Variants in DCTN1 observed in about 807,000 individuals in gnomAD.
The protein encoded by DCTN1 is 150 kDa dynein-associated polypeptide.
Under a neutral mutation model 161.2 loss-of-function variants are expected in DCTN1, and 61 were observed. The ratio of observed to expected loss-of-function variants is 0.38; its 90% CI spans 0.31 to 0.47. DCTN1 has a LOEUF of 0.47. Ranked by LOEUF, DCTN1 falls within the 20% of genes least tolerant of loss-of-function variation. The probability of loss-of-function intolerance (pLI) is 0.99; values close to 1 mark genes in which losing one functional copy is unlikely to be tolerated. For synonymous variants in DCTN1, 653 were observed against 632.4 expected, an observed-to-expected ratio of 1.03 and a Z score of -0.49; for missense variants, 1,404 against 1,623.7, an observed-to-expected ratio of 0.86 and a Z score of 2.33.
Position 74,366,513 on chromosome 2 carries a change from A to G in DCTN1, c.2574T>C (p.Asn858=), listed in dbSNP as rs1428928433. 2 of 1,614,056 alleles carry G rather than the reference A, an allele frequency of 1.2e-6. No individual in the cohort carries two copies. Among genetic ancestry groups the G allele is most frequent in the African/African-American group, 2.7e-5 (2 of 74,934 alleles). Residue 858 remains asparagine, a synonymous_variant, in exon 22 of 32, where the codon AAT becomes AAC. Transcript: ENST00000628224. ...CCAGAGCAGCCACAAGTAGCCCCTC[A>G]TTCTCTGCCAGTGGGGCAATGAGCT... ...AAQLIAPLAE[N]EGLLVAALEE...
intron 8 of DCTN1, 79 bp from the exon 9 acceptor site, chr2:74,371,255 A>C: frequency 6.2e-7 from 1 of 1,606,162 alleles, no homozygotes; most frequent in Non-Finnish European, 8.5e-7. Context: ...AAAGAACACA[A>C]GAAAGTGTGC....
Position 74,374,699 on chromosome 2 carries a change from C to T in DCTN1, c.415-359G>A. 8 of 1,194,386 alleles carry T rather than the reference C, an allele frequency of 6.7e-6. No individual in the cohort carries two copies. In the South Asian group the frequency reaches 1.3e-4, roughly 19 times the overall value. The allele number at this position is 1,194,386 out of a possible 1,614,324, so 74.0% of individuals were successfully genotyped here. The stretch of plus-strand genomic sequence containing the variant: ...AGCACCAGCTCCACCTGACGTCATG[C>T]ACCCACCCTCCTCTGCTCCATGGGG... On this transcript the variant is annotated intron_variant, in intron 5 of 31. Coordinates refer to ENST00000628224, the MANE Select transcript of DCTN1 (RefSeq NM_004082.5).
rs1362003069 is a variant in DCTN1, at chr2:74,366,209, G to A, written c.2760+35C>T. ...AGCTCTGCAAGTCTTACTCCTACAG[G>A]CCTCTGCAACTTCTCCAAGGAAATC... On this transcript the variant is annotated intron_variant, in intron 23 of 31. Coordinates refer to ENST00000628224, the MANE Select transcript of DCTN1 (RefSeq NM_004082.5). 5 of 1,613,556 alleles carry A rather than the reference G, an allele frequency of 3.1e-6. No homozygotes were observed. In the African/African-American group the frequency reaches 6.7e-5, roughly 22 times the overall value.
Position 74,366,250 on chromosome 2 carries a change from G to A in DCTN1, c.2754C>T (p.Pro918=), listed in dbSNP as rs1290742439. Residue 918 remains proline, a synonymous_variant, in exon 23 of 32, where the codon CCC becomes CCT. Transcript: ENST00000628224. The stretch of plus-strand genomic sequence containing the variant: ...CAAGGAAATCTCCACCTACCTTGCT[G>A]GGGGGCCGCTCTGCATCATACTCCC... ...QEGEYDAERP[P]SKPPPVELRA... The A allele has an allele frequency of 6.2e-7, 1 of 1,614,036 alleles. No individual in the cohort carries two copies. Among genetic ancestry groups the A allele is most frequent in the Non-Finnish European group, 8.5e-7 (1 of 1,179,976 alleles).
Position 74,362,041 on chromosome 2 carries a change from C to T in DCTN1, c.3699+11G>A, listed in dbSNP as rs1432284261. On this transcript the variant is annotated intron_variant, in intron 31 of 31. Transcript: ENST00000628224. Reference sequence around the variant, plus strand: ...ACACTGTCCCATCCTCCACCCCATGCTCCCCCTCACCCTGAGGAAGGCTGA... The same window carrying T: ...ACACTGTCCCATCCTCCACCCCATGTTCCCCCTCACCCTGAGGAAGGCTGA... The T allele has an allele frequency of 2.5e-6, 4 of 1,613,216 alleles. No individual in the cohort carries two copies. The highest frequency in any genetic ancestry group is 1.1e-5 in the South Asian group (1 of 91,054).
chr2:74,363,882 G>C, intron 26 of DCTN1: 2 of 585,944 alleles, frequency 3.4e-6, no homozygotes, highest in South Asian at 3.8e-5. Flanking sequence ...GTGGCAAAGA[G>C]AGTGTGCACT....
In DCTN1 at chr2:74,370,960, C is replaced by T. The variant is rs556822905; in HGVS notation, c.843+19G>A. ...AGGTCTCAGGCTGCCCCAGCCACCCCCTTCATCCAGAGTCAAACCTTTCTC... is the reference window on the plus strand; with the variant it reads ...AGGTCTCAGGCTGCCCCAGCCACCCTCTTCATCCAGAGTCAAACCTTTCTC... On this transcript the variant is annotated intron_variant, in intron 9 of 31. Coordinates refer to ENST00000628224, the MANE Select transcript of DCTN1 (RefSeq NM_004082.5). This position sits in a 1 kb window ranked among gnomAD's most constrained non-coding sequence, Gnocchi z 4.4. The T allele has an allele frequency of 1.1e-5, 17 of 1,613,428 alleles. No individual in the cohort carries two copies. The highest frequency in any genetic ancestry group is 2.7e-5 in the African/African-American group (2 of 74,922).
chr2:74,361,468 G>T lies in DCTN1; in HGVS notation c.*31C>A, dbSNP rs1157202529. 2 of 1,613,698 alleles carry T rather than the reference G, an allele frequency of 1.2e-6. No individual in the cohort carries two copies. Among genetic ancestry groups the T allele is most frequent in the Admixed American group, 3.3e-5 (2 of 60,012 alleles). On this transcript the variant is annotated 3_prime_UTR_variant, in exon 32 of 32. Transcript: ENST00000628224. ...GGCAGAGCGGCACCAGAGGGCTGAG[G>T]GTCGAAGGGGACAGCAGGGGAAAGG... is the stretch of plus-strand genomic sequence containing the variant.
In DCTN1 at chr2:74,368,876, A is replaced by G. The variant is rs1553464828; in HGVS notation, c.1706T>C (p.Ile569Thr). ...FAETKAHAKA[I>T]EMELRQMEVA... ...CTCCATCTGCCTCAATTCCATCTCA[A>G]TTGCCTGTGAGGTGAACAGGGAGGA... Residue 569 changes from isoleucine (I) to threonine (T), a missense_variant, in exon 16 of 32, where the codon ATT (isoleucine) becomes ACT (threonine). This residue lies in a region of DCTN1 where 278 missense variants were observed against 363.8 expected (regional missense o/e 0.76). Coordinates refer to ENST00000628224, the MANE Select transcript of DCTN1 (RefSeq NM_004082.5). 6.2e-7 allele frequency: 1 copy of G among 1,614,240 alleles called. No homozygotes were observed. The highest frequency in any genetic ancestry group is 1.3e-5 in the African/African-American group (1 of 75,060).
chr2:74,361,539 T>A lies in DCTN1; in HGVS notation c.3797A>T (p.Gln1266Leu). ...FGQRHRLVLT[Q>L]EQLHQLHSRL... is the part of the protein sequence containing the mutation. Reference sequence around the variant, plus strand: ...ACTGTGAAGCTGGTGCAGCTGCTCCTGGGTCAGCACCAGCCGGTGTCGCTG... The same window carrying A: ...ACTGTGAAGCTGGTGCAGCTGCTCCAGGGTCAGCACCAGCCGGTGTCGCTG... Residue 1266 changes from glutamine to leucine, a missense_variant, in exon 32 of 32, where the codon CAG (glutamine) becomes CTG (leucine). Transcript: ENST00000628224. 1 of 1,614,154 alleles carries A rather than the reference T, an allele frequency of 6.2e-7. No individual in the cohort carries two copies. Among genetic ancestry groups the A allele is most frequent in the South Asian group, 1.1e-5 (1 of 91,076 alleles).
intron 4 of DCTN1, 118 bp from the exon 5 acceptor site, chr2:74,376,880 G>C: frequency 4.6e-6 from 4 of 873,664 alleles, no homozygotes; most frequent in Non-Finnish European, 7.6e-6. Context: ...GGTGAGATGA[G>C]TAGCCCCTCA....
Position 74,363,432 on chromosome 2 carries a change from G to T in DCTN1, c.3212-5C>A. 1 of 1,611,844 alleles carries T rather than the reference G, an allele frequency of 6.2e-7. No homozygotes were observed. On this transcript the variant is annotated splice_region_variant and splice_polypyrimidine_tract_variant and intron_variant, in intron 27 of 31. Transcript: ENST00000628224. ...GAGCCTGCCCAGGGATGGCTCCTGTGGGGACCATAAAAAATCTCATCAGCC... is the reference window on the plus strand; with the variant it reads ...GAGCCTGCCCAGGGATGGCTCCTGTTGGGACCATAAAAAATCTCATCAGCC...
rs542358005 is a variant in DCTN1 at position 74,374,433 on chromosome 2, A to C, written c.415-93T>G. ...CAAACACACGGAGGAAGGACAGACG[A>C]AGGGAGGGAGGGCAAGAGACCGAAC... On this transcript the variant is annotated intron_variant, in intron 5 of 31. Coordinates refer to ENST00000628224, the MANE Select transcript of DCTN1 (RefSeq NM_004082.5). The C allele has an allele frequency of 1.4e-5, 23 of 1,594,316 alleles. No homozygotes were observed. In the South Asian group the frequency reaches 2.3e-4, roughly 16 times the overall value.
upstream of DCTN1, among the ~76,000 whole-genome samples, chr2:74,382,448 A>C (rs1675551068): frequency 6.6e-6 from 1 of 151,886 alleles, no homozygotes; most frequent in African/African-American, 2.4e-5. Context: ...AAAAATACAA[A>C]AATGAGCTGG....
intron 5 of DCTN1, 77 bp downstream of exon 5, chr2:74,376,665 G>GC (rs1675243192): frequency 4.3e-6 from 6 of 1,389,446 alleles, no homozygotes; most frequent in African/African-American, 2.8e-5. Context: ...GCATGCAGCA[G>GC]CCCAGGGACA....
In DCTN1 at chr2:74,371,561, G is replaced by C; in HGVS notation, c.621C>G (p.Val207=). Residue 207 remains valine (V), a synonymous_variant, in exon 8 of 32, where the codon GTC becomes GTG. Coordinates refer to ENST00000628224, the MANE Select transcript of DCTN1 (RefSeq NM_004082.5). ...PTPVLTSPGA[V]PPLPSPSKEE... is the part of the protein sequence containing the mutation. ...CCTTGGATGGGGAAGGAAGCGGGGGGACTGCTCCAGGAGAGGTGAGGACCG... is the reference window on the plus strand; with the variant it reads ...CCTTGGATGGGGAAGGAAGCGGGGGCACTGCTCCAGGAGAGGTGAGGACCG... 1 of 1,581,380 alleles carries C rather than the reference G, an allele frequency of 6.3e-7. No individual in the cohort carries two copies. The highest frequency in any genetic ancestry group is 1.3e-5 in the African/African-American group (1 of 74,476).
Position 74,374,358 on chromosome 2 carries a change from AAAACCAAAG to A in DCTN1, c.415-27_415-19del. 1.2e-6 allele frequency: 2 copies of A among 1,613,560 alleles called. No homozygotes were observed. Among genetic ancestry groups the A allele is most frequent in the Non-Finnish European group, 1.7e-6 (2 of 1,179,736 alleles). ...GTCGGTGCCTGTCTCATCATTGCAGAAAACCAAAGAAAGCAAGGAGAGGAAAGAGGAGGG... is the reference window on the plus strand; with the variant it reads ...GTCGGTGCCTGTCTCATCATTGCAGAAAAGCAAGGAGAGGAAAGAGGAGGG... On this transcript the variant is annotated intron_variant, in intron 5 of 31. Transcript: ENST00000628224.
At chr2:74,390,396 A>C (rs552365243) in intron 1 of DCTN1, among the ~76,000 whole-genome samples, 1 of 152,372 alleles carries the variant, frequency 6.6e-6, no homozygotes, top group African/African-American at 2.4e-5. Flanking sequence ...CTATTCCAAG[A>C]ATAAAATGGG....
Position 74,370,119 on chromosome 2 carries a change from A to T in DCTN1, c.1288-50T>A. 6.2e-7 allele frequency: 1 copy of T among 1,614,086 alleles called. No homozygotes were observed. On this transcript the variant is annotated intron_variant, in intron 12 of 31. Coordinates refer to ENST00000628224, the MANE Select transcript of DCTN1 (RefSeq NM_004082.5). The surrounding 1 kb of genome is among the most constrained non-coding windows in gnomAD (Gnocchi z 4.4). ...AAGGGCTGCTGGAAGGTACCTAGAA[A>T]GAGGAGGCATCAACTGATAGGAGAG...
Sources: gnomAD v4.1 joint callset for allele counts (sites outside exome capture counted in the v4.1 genomes callset) on GRCh38, gnomAD v4.1.1 for gene constraint, gnomAD v4.1.1 regional missense constraint, Gnocchi (gnomAD v3.1) non-coding constraint, MANE v1.5 for transcripts, NCBI Gene and HGNC (gene_info 2026-07-23, HGNC 2026-07-21) for gene names.